ARHGAP32: variants seen among roughly 807,000 people sequenced by gnomAD.
ARHGAP32 encodes Rho GTPase activating protein 32.
Under a neutral mutation model 186.5 loss-of-function variants are expected in ARHGAP32, and 51 were observed. The ratio of observed to expected loss-of-function variants is 0.27; its 90% CI spans 0.22 to 0.35. The LOEUF (loss-of-function observed/expected upper bound fraction) is 0.35. ARHGAP32 is among the 10% of genes least tolerant of loss of function. ARHGAP32 has a pLI of 1.00. For synonymous variants in ARHGAP32, 950 were observed against 964.3 expected (o/e 0.99, Z 0.27); for missense variants, 2,186 against 2,623.5 (o/e 0.83, Z 3.64).
intron 1 of ARHGAP32, among the ~76,000 whole-genome samples, chr11:129,236,454 T>C (rs999919637): frequency 2.0e-5 from 3 of 152,184 alleles, no homozygotes; most frequent in African/African-American, 2.4e-5. Flanking sequence ...GGCTTCTTTG[T>C]AGATTCTGAA....
intron 11 of ARHGAP32, among the ~76,000 whole-genome samples, chr11:129,029,017 G>T (rs1215158997): frequency 6.6e-6 from 1 of 152,046 alleles, no homozygotes; most frequent in Non-Finnish European, 1.5e-5. Context: ...GAGAGTTTGG[G>T]GATATTTTTT....
intron 1 of ARHGAP32, among the ~76,000 whole-genome samples, chr11:129,204,002 T>C (rs1359823244): frequency 6.8e-6 from 1 of 148,042 alleles, no homozygotes; most frequent in Non-Finnish European, 1.5e-5. Context: ...ATGTATAATA[T>C]ATATTTATAC....
chr11:129,141,015 T>A (rs938237790), intron 2 of ARHGAP32, among the ~76,000 whole-genome samples: 1 of 152,168 alleles, frequency 6.6e-6, no homozygotes, highest in Non-Finnish European at 1.5e-5. Flanking sequence ...CCTTTACCTA[T>A]GGCAACTCCC....
rs1422907860 is a variant in ARHGAP32 at position 129,063,882 on chromosome 11, C to A, written c.885+20G>T. ...AAGTTAGCAAGAACCAAATAACAAA[C>A]AACCACTTTAACTATTTACCTCTAA... On this transcript the variant is annotated intron_variant, in intron 9 of 22. Transcript: ENST00000682385. 1.1e-5 allele frequency: 17 copies of A among 1,586,492 alleles called. No homozygotes were observed. Among genetic ancestry groups the A allele is most frequent in the African/African-American group, 1.4e-5 (1 of 73,512 alleles).
intron 19 of ARHGAP32, among the ~76,000 whole-genome samples, chr11:128,977,811 A>G (rs899818347): frequency 1.3e-5 from 2 of 151,418 alleles, no homozygotes; most frequent in African/African-American, 4.8e-5. Flanking sequence ...GGAGTAGCTA[A>G]GCCTAGAGGT....
chr11:129,015,865 A>G (rs928489518), intron 11 of ARHGAP32, among the ~76,000 whole-genome samples: 1 of 152,174 alleles, frequency 6.6e-6, no homozygotes, highest in African/African-American at 2.4e-5. Context: ...TACACTGTAT[A>G]ATCTGGTAAG....
At chr11:129,080,899 T>C (rs1206559087) in intron 6 of ARHGAP32, among the ~76,000 whole-genome samples, 1 of 151,948 alleles carries the variant, frequency 6.6e-6, no homozygotes, top group South Asian at 2.1e-4. Flanking sequence ...CCAACTAAGC[T>C]GAATTAGAAA....
Position 128,972,662 on chromosome 11 carries a change from G to T in ARHGAP32, c.3844C>A (p.Pro1282Thr). The change falls in exon 22 of 23, where the codon CCA becomes ACA. Residue 1282 changes from proline to threonine, a missense_variant. Around this residue, in one of 5 missense-constraint regions of ARHGAP32, gnomAD observed 1,502 missense variants for 1,570.0 expected, o/e 0.96. Transcript: ENST00000682385. ...TATMTYMTTT[P>T]ATAQMSTKEA... ...TTGGTGCTCATTTGGGCTGTTGCTG[G>T]AGTAGTTGTCATGTAAGTCATGGTG... 3 of 1,613,996 alleles carry T rather than the reference G, an allele frequency of 1.9e-6. No homozygotes were observed. Among genetic ancestry groups the T allele is most frequent in the Non-Finnish European group, 2.5e-6 (3 of 1,179,982 alleles).
chr11:129,018,990 T>C (rs909051015), intron 11 of ARHGAP32, among the ~76,000 whole-genome samples: 3 of 152,144 alleles, frequency 2.0e-5, no homozygotes, highest in African/African-American at 7.2e-5. Flanking sequence ...AAAATACACA[T>C]GAATAACTCT....
intron 1 of ARHGAP32, among the ~76,000 whole-genome samples, chr11:129,263,541 A>C (rs1341109217): frequency 1.3e-5 from 1 of 77,528 alleles, no homozygotes; most frequent in Non-Finnish European, 2.8e-5. Flanking sequence ...TACCCATTAA[A>C]ATGGCTACTG....
intron 1 of ARHGAP32, among the ~76,000 whole-genome samples, chr11:129,177,012 A>T (rs1163850784): frequency 1.3e-5 from 2 of 150,184 alleles, no homozygotes; most frequent in Non-Finnish European, 3.0e-5. Flanking sequence ...GTTTTTTGAA[A>T]GGATCAACAA....
At chr11:128,971,510 G>C in intron 22 of ARHGAP32, 1 of 205,942 alleles carries the variant, frequency 4.9e-6, no homozygotes, top group Non-Finnish European at 9.8e-6. Context: ...TATTAGTCTA[G>C]CTCAGTCTCA....
At chr11:128,994,433 G>A (rs981461733) in intron 12 of ARHGAP32, among the ~76,000 whole-genome samples, 3 of 152,020 alleles carry the variant, frequency 2.0e-5, no homozygotes, top group African/African-American at 7.2e-5. Context: ...GGGATTACAG[G>A]CATGAGCCAC....
At chr11:129,167,612 G>C (rs1174117631) in intron 1 of ARHGAP32, among the ~76,000 whole-genome samples, 1 of 152,134 alleles carries the variant, frequency 6.6e-6, no homozygotes, top group Non-Finnish European at 1.5e-5. Flanking sequence ...AAATAAGTCA[G>C]AGGCAAAAGA....
intron 1 of ARHGAP32, among the ~76,000 whole-genome samples, chr11:129,224,768 CAAAAAAAA>C (rs57944399): frequency 0.38 from 39,602 of 104,650 alleles, 6,040 homozygotes; most frequent in Middle Eastern, 0.51. Context: ...TTGGCTAGAG[CAAAAAAAA>C]AAAAAAAAAA....
At chr11:128,992,506 G>A (rs1946087105) in intron 12 of ARHGAP32, among the ~76,000 whole-genome samples, 1 of 152,096 alleles carries the variant, frequency 6.6e-6, no homozygotes, top group Non-Finnish European at 1.5e-5. Context: ...GCTGCGGGCA[G>A]TGGCTCATGC....
intron 2 of ARHGAP32, among the ~76,000 whole-genome samples, chr11:129,147,443 GA>G (rs909382772): frequency 1.3e-5 from 2 of 152,096 alleles, no homozygotes; most frequent in Non-Finnish European, 2.9e-5. Context: ...GTAGGGGATT[GA>G]AAAAGAGGCA....
At chr11:129,101,870 T>TTC (rs1283148948) in intron 5 of ARHGAP32, among the ~76,000 whole-genome samples, 1 of 152,144 alleles carries the variant, frequency 6.6e-6, no homozygotes, top group Admixed American at 6.5e-5. Flanking sequence ...AGTAAGATAC[T>TTC]TCACAAGAAG....
chr11:129,278,190 T>C (rs1242194482), intron 1 of ARHGAP32, among the ~76,000 whole-genome samples: 3 of 152,206 alleles, frequency 2.0e-5, no homozygotes, highest in African/African-American at 4.8e-5. Flanking sequence ...TCTGAAAGAA[T>C]AGAAAATAAA....
Sources: allele counts gnomAD v4.1 joint callset (sites outside exome capture counted in the v4.1 genomes callset), GRCh38; gene constraint gnomAD v4.1.1; regional missense constraint gnomAD v4.1.1; transcripts MANE v1.5; gene names NCBI Gene and HGNC (gene_info 2026-07-23, HGNC 2026-07-21).